IVNS1ABP: variants seen among roughly 807,000 people sequenced by gnomAD.
IVNS1ABP encodes influenza virus NS1A binding protein, also known as influenza virus NS1A-binding protein.
A neutral mutation model predicts 78.9 loss-of-function variants in IVNS1ABP; 25 were observed. The ratio of observed to expected loss-of-function variants is 0.32; its 90% CI spans 0.23 to 0.44. The LOEUF (loss-of-function observed/expected upper bound fraction) is 0.44. Among genes scored for constraint, IVNS1ABP ranks in the 20% least tolerant of loss-of-function variants. The pLI, the probability that IVNS1ABP is intolerant of heterozygous loss-of-function variation, is 1.00. For missense variants in IVNS1ABP, 494 were observed against 768.9 expected (o/e 0.64, Z 4.23); for synonymous variants, 241 against 259.7 (o/e 0.93, Z 0.69).
chr1:185,315,675 G>C (rs1250690240), intron 1 of IVNS1ABP, among the ~76,000 whole-genome samples: 1 of 152,214 alleles, frequency 6.6e-6, no homozygotes, highest in Non-Finnish European at 1.5e-5. Context: ...TAAGACAGAA[G>C]TGTCAGCAGG....
In IVNS1ABP at chr1:185,301,353, A is replaced by G. The variant is rs191065167; in HGVS notation, c.895+81T>C. 5.3e-5 allele frequency: 81 copies of G among 1,539,024 alleles called. No homozygotes were observed. In the East Asian group the frequency reaches 1.7e-3, roughly 33 times the overall value. On this transcript the variant is annotated intron_variant, in intron 9 of 14. Transcript: ENST00000367498. ...TCTGAGTTTTTTCCTCGAGTAGTCA[A>G]TTTAAGAGGTATTAAATTGGCAACA...
At chr1:185,302,824 GA>G (rs1397691280) in intron 8 of IVNS1ABP, among the ~76,000 whole-genome samples, 2 of 151,894 alleles carry the variant, frequency 1.3e-5, no homozygotes, top group East Asian at 1.9e-4. Flanking sequence ...TAAAAATATT[GA>G]AACTCAAGAA....
chr1:185,306,383 T>C (rs1158813968), intron 7 of IVNS1ABP: 2 of 990,746 alleles, frequency 2.0e-6, no homozygotes, highest in East Asian at 1.5e-4. Context: ...TTGTGTATTT[T>C]TTTTAAAAGT....
Position 185,300,267 on chromosome 1 carries a change from A to G in IVNS1ABP, c.1319T>C (p.Ile440Thr), listed in dbSNP as rs772532563. Residue 440 changes from isoleucine to threonine, a missense_variant, in exon 12 of 15, where the codon ATA becomes ACA. By Grantham distance (89) the Ile-to-Thr change is moderately conservative (BLOSUM62 -1). Transcript: ENST00000367498. ...TTCTGGAACAGGAATCCAGTCATCT[A>G]TGTTTGAATCATACATCTCTCCACA... ...LSCGEMYDSN[I>T]DDWIPVPELR... 9 of 1,613,310 alleles carry G rather than the reference A, an allele frequency of 5.6e-6. No individual in the cohort carries two copies. Among genetic ancestry groups the G allele is most frequent in the Middle Eastern group, 1.6e-4 (1 of 6,080 alleles).
At position 185,298,545 on chromosome 1, in the gene IVNS1ABP, AAAT is replaced by A; in HGVS notation, c.1676-260_1676-258del. On this transcript the variant is annotated intron_variant, in intron 14 of 14. Coordinates refer to ENST00000367498, the MANE Select transcript of IVNS1ABP (RefSeq NM_006469.5). The surrounding 1 kb of genome is among the most constrained non-coding windows in gnomAD (Gnocchi z 4.1). Reference sequence around the variant, plus strand: ...GGGAGAGGAAGCAGTAGCAGCATCTAAATAAGTACAATTTTCACCAACTCTGTG... The same window carrying A: ...GGGAGAGGAAGCAGTAGCAGCATCTAAAGTACAATTTTCACCAACTCTGTG... 1 of 482,640 alleles carries A rather than the reference AAAT, an allele frequency of 2.1e-6. No individual in the cohort carries two copies. The highest frequency in any genetic ancestry group is 3.7e-5 in the East Asian group (1 of 27,338). The allele number at this position is 482,640 out of a possible 1,614,324, so 29.9% of individuals were successfully genotyped here.
rs1319094196 is a variant in IVNS1ABP at position 185,301,551 on chromosome 1, G to A, written c.778C>T (p.Arg260Cys). The stretch of plus-strand genomic sequence containing the variant: ...CTTATCTGCTTATGGCCATTCTCAC[G>A]TGGTGGCTTTTTCTGCAAAATCAAA... ...HIQFVQKKPP[R>C]ENGHKQISSS... is the part of the protein sequence containing the mutation. Residue 260 changes from arginine to cysteine, a missense_variant, in exon 9 of 15, where the codon CGT becomes TGT. Transcript: ENST00000367498. 1.9e-6 allele frequency: 3 copies of A among 1,612,864 alleles called. No individual in the cohort carries two copies. Among genetic ancestry groups the A allele is most frequent in the Non-Finnish European group, 1.7e-6 (2 of 1,179,172 alleles).
At position 185,305,783 on chromosome 1, in the gene IVNS1ABP, G is replaced by T; in HGVS notation, c.658-140C>A. ...ACATATTACTCTGGCAGGATCCGGA[G>T]GTAAAGAAAAATACATGTCATGGTG... is the stretch of plus-strand genomic sequence containing the variant. On this transcript the variant is annotated intron_variant, in intron 7 of 14. Transcript: ENST00000367498. This position sits in a 1 kb window ranked among gnomAD's most constrained non-coding sequence, Gnocchi z 4.0. The T allele has an allele frequency of 2.3e-6, 2 of 873,638 alleles. No individual in the cohort carries two copies. Among genetic ancestry groups the T allele is most frequent in the Non-Finnish European group, 3.2e-6 (2 of 628,080 alleles). The allele number at this position is 873,638 out of a possible 1,614,324, so 54.1% of individuals were successfully genotyped here.
Position 185,311,312 on chromosome 1 carries a change from T to C in IVNS1ABP, c.-236A>G, listed in dbSNP as rs1359957097. The C allele has an allele frequency of 2.5e-6, 1 of 397,824 alleles. No homozygotes were observed. Among genetic ancestry groups the C allele is most frequent in the African/African-American group, 2.1e-5 (1 of 48,604 alleles). 24.6% of individuals were successfully genotyped at this position (397,824 alleles called of 1,614,324 possible). On this transcript the variant is annotated 5_prime_UTR_variant, in exon 2 of 15. Transcript: ENST00000367498. ...ACACGAATTTCTTCTGTGATAATGA[T>C]GCATCATAATCTATAACAATGATAA...
rs1291800200 is a variant in IVNS1ABP at position 185,317,234 on chromosome 1, G to A, written c.-528C>T. On this transcript the variant is annotated 5_prime_UTR_variant, in exon 1 of 15. Coordinates refer to ENST00000367498, the MANE Select transcript of IVNS1ABP (RefSeq NM_006469.5). ...GAGCGACCGACCTCCACGCGCGACC[G>A]GGAGACACTGCCTCCGCCGCCGCCG... is the stretch of plus-strand genomic sequence containing the variant. 1.0e-5 allele frequency: 4 copies of A among 398,404 alleles called. No individual in the cohort carries two copies. Among genetic ancestry groups the A allele is most frequent in the Non-Finnish European group, 1.8e-5 (4 of 226,010 alleles). 24.7% of individuals were successfully genotyped at this position (398,404 alleles called of 1,614,324 possible).
In IVNS1ABP at chr1:185,311,038, C is replaced by T. The variant is rs550725375; in HGVS notation, c.-19+57G>A. Reference sequence around the variant, plus strand: ...TGAAAGGTTTACTGTACTCGACATCCGTCTTCAGAAAAACAATGTGTCTTA... The same window carrying T: ...TGAAAGGTTTACTGTACTCGACATCTGTCTTCAGAAAAACAATGTGTCTTA... On this transcript the variant is annotated intron_variant, in intron 2 of 14. Coordinates refer to ENST00000367498, the MANE Select transcript of IVNS1ABP (RefSeq NM_006469.5). 24 of 331,384 alleles carry T rather than the reference C, an allele frequency of 7.2e-5. No homozygotes were observed. In the East Asian group the frequency reaches 8.2e-4, roughly 11 times the overall value. 20.5% of individuals were successfully genotyped at this position (331,384 alleles called of 1,614,324 possible). A position where few individuals can be genotyped will look rare whatever the true frequency, so the allele number is the denominator to read the frequency against.
chr1:185,316,259 C>A (rs1403632131), intron 1 of IVNS1ABP, among the ~76,000 whole-genome samples: 1 of 152,042 alleles, frequency 6.6e-6, no homozygotes, highest in African/African-American at 2.4e-5. Flanking sequence ...CACCCGCACA[C>A]CCCCGCCCCG....
Position 185,301,464 on chromosome 1 carries a change from A to T in IVNS1ABP, c.865T>A (p.Trp289Arg). The change falls in exon 9 of 15, where the codon TGG (tryptophan) becomes AGG (arginine). Residue 289 changes from tryptophan to arginine, a missense_variant. By Grantham distance (101) the Trp-to-Arg change is moderately radical (BLOSUM62 -3). Coordinates refer to ENST00000367498, the MANE Select transcript of IVNS1ABP (RefSeq NM_006469.5). ...GTCTTTTCTGAAGCAACGATTTTCC[A>T]CTCATGCTTAGGGCTTTGTACTGTA... Reference protein sequence around the residue: ...NATVQSPKHEWKIVASEKTSN... With the variant: ...NATVQSPKHERKIVASEKTSN... 1 of 1,613,172 alleles carries T rather than the reference A, an allele frequency of 6.2e-7. No homozygotes were observed. The highest frequency in any genetic ancestry group is 8.5e-7 in the Non-Finnish European group (1 of 1,179,410).
chr1:185,297,829 G>C lies in IVNS1ABP; in HGVS notation c.*206C>G, dbSNP rs1458748213. The C allele has an allele frequency of 2.4e-5, 13 of 536,990 alleles. No homozygotes were observed. Among genetic ancestry groups the C allele is most frequent in the Non-Finnish European group, 3.6e-5 (11 of 307,180 alleles). 33.3% of individuals were successfully genotyped at this position (536,990 alleles called of 1,614,324 possible). A position where few individuals can be genotyped will look rare whatever the true frequency, so the allele number is the denominator to read the frequency against. On this transcript the variant is annotated 3_prime_UTR_variant, in exon 15 of 15. Coordinates refer to ENST00000367498, the MANE Select transcript of IVNS1ABP (RefSeq NM_006469.5). ...AAGTAAAATAACCAAAGTCTTAAAA[G>C]TACACAAAACAGACCTTCATCTTTG...
Position 185,308,881 on chromosome 1 carries a change from TAA to T in IVNS1ABP, c.282-8_282-7del, listed in dbSNP as rs748447429. 4 of 1,592,232 alleles carry T rather than the reference TAA, an allele frequency of 2.5e-6. No homozygotes were observed. Among genetic ancestry groups the T allele is most frequent in the African/African-American group, 2.7e-5 (2 of 73,676 alleles). On this transcript the variant is annotated splice_polypyrimidine_tract_variant and splice_region_variant and intron_variant, in intron 4 of 14. Transcript: ENST00000367498. The stretch of plus-strand genomic sequence containing the variant: ...ATTCCTTATCTGCTTTCAACCTATT[TAA>T]AAAAAAAGTTACTTATGATACCAAA...
Position 185,300,250 on chromosome 1 carries a change from C to G in IVNS1ABP, c.1336G>C (p.Val446Leu), listed in dbSNP as rs779428896. Residue 446 changes from valine to leucine, a missense_variant, in exon 12 of 15, where the codon GTT becomes CTT. Coordinates refer to ENST00000367498, the MANE Select transcript of IVNS1ABP (RefSeq NM_006469.5). ...YDSNIDDWIP[V>L]PELRTNRCNA... is the part of the protein sequence containing the mutation. ...CAACGGTTAGTTCTCAATTCTGGAA[C>G]AGGAATCCAGTCATCTATGTTTGAA... 3.1e-6 allele frequency: 5 copies of G among 1,613,346 alleles called. No individual in the cohort carries two copies. The highest frequency in any genetic ancestry group is 4.2e-6 in the Non-Finnish European group (5 of 1,179,692).
chr1:185,310,079 A>G (rs1314940620), intron 2 of IVNS1ABP, among the ~76,000 whole-genome samples: 1 of 152,174 alleles, frequency 6.6e-6, no homozygotes, highest in East Asian at 1.9e-4. Context: ...CTAGTACACA[A>G]ACTTAAAAAG....
intron 1 of IVNS1ABP, among the ~76,000 whole-genome samples, 197 bp downstream of exon 1, chr1:185,316,756 C>A (rs1666044097): frequency 1.3e-5 from 2 of 152,186 alleles, no homozygotes; most frequent in African/African-American, 4.8e-5. Flanking sequence ...ACCATGGCAG[C>A]GCTGGAGCGC....
At chr1:185,312,008 C>T (rs1571750094) in intron 1 of IVNS1ABP, among the ~76,000 whole-genome samples, 1 of 152,232 alleles carries the variant, frequency 6.6e-6, no homozygotes, top group African/African-American at 2.4e-5. Flanking sequence ...TCTTCCTTGA[C>T]TCATGGGCAA....
Position 185,307,338 on chromosome 1 carries a change from C to T in IVNS1ABP, c.531+151G>A, listed in dbSNP as rs1448464551. The stretch of plus-strand genomic sequence containing the variant: ...CTGAATCAAAAACAAAGTAAACAAA[C>T]TGGTAGGGAGAAACCCATTACGCTG... On this transcript the variant is annotated intron_variant, in intron 6 of 14. Coordinates refer to ENST00000367498, the MANE Select transcript of IVNS1ABP (RefSeq NM_006469.5). The T allele has an allele frequency of 3.0e-5, 26 of 867,154 alleles. No individual in the cohort carries two copies. In the Admixed American group the frequency reaches 6.5e-4, roughly 22 times the overall value. The allele number at this position is 867,154 out of a possible 1,614,324, so 53.7% of individuals were successfully genotyped here.
Sources: allele counts gnomAD v4.1 joint callset (sites outside exome capture counted in the v4.1 genomes callset), GRCh38; gene constraint gnomAD v4.1.1; non-coding constraint Gnocchi (gnomAD v3.1); transcripts MANE v1.5; gene names NCBI Gene and HGNC (gene_info 2026-07-23, HGNC 2026-07-21).